Variants in ZNF804B observed in about 807,000 individuals in gnomAD.
ZNF804B encodes zinc finger 804B.
A neutral mutation model predicts 101.4 loss-of-function variants in ZNF804B; 80 were observed. The ratio of observed to expected loss-of-function variants is 0.79; its 90% CI spans 0.66 to 0.95. The LOEUF is 0.95. ZNF804B is among the 40% of genes least tolerant of loss of function. ZNF804B has a pLI of 0.00. For synonymous variants in ZNF804B, 622 were observed against 558.8 expected, an observed-to-expected ratio of 1.11 and a Z score of -1.59; for missense variants, 1,673 against 1,561.9, an observed-to-expected ratio of 1.07 and a Z score of -1.20.
At chr7:89,098,155 T>C (rs1789995956) in intron 1 of ZNF804B, among the ~76,000 whole-genome samples, 1 of 152,158 alleles carries the variant, frequency 6.6e-6, no homozygotes, top group South Asian at 2.1e-4. Flanking sequence ...TGTAAGGCTC[T>C]ACACAATTAG....
chr7:89,074,102 C>A (rs1257201744), intron 1 of ZNF804B, among the ~76,000 whole-genome samples: 4 of 152,146 alleles, frequency 2.6e-5, no homozygotes, highest in Non-Finnish European at 5.9e-5. Context: ...TGTTAAGTGT[C>A]TGGATACAGC....
At chr7:89,282,831 A>C (rs1479733430) in intron 2 of ZNF804B, among the ~76,000 whole-genome samples, 2 of 152,192 alleles carry the variant, frequency 1.3e-5, no homozygotes, top group Non-Finnish European at 2.9e-5. Flanking sequence ...CAGAACCTCT[A>C]AGAGGCAAGA....
intron 2 of ZNF804B, among the ~76,000 whole-genome samples, chr7:89,316,652 T>G (rs1023341103): frequency 1.3e-5 from 2 of 152,098 alleles, no homozygotes; most frequent in East Asian, 3.9e-4. Flanking sequence ...AAACCTAAAT[T>G]TTGTAAAGAC....
chr7:88,859,860 G>T (rs1434745195), intron 1 of ZNF804B, among the ~76,000 whole-genome samples: 1 of 151,536 alleles, frequency 6.6e-6, no homozygotes, highest in South Asian at 2.1e-4. Flanking sequence ...TTAGTCAAAA[G>T]GATAATTCCT....
intron 1 of ZNF804B, among the ~76,000 whole-genome samples, chr7:89,185,125 T>C (rs1450788603): frequency 1.3e-5 from 2 of 152,130 alleles, no homozygotes; most frequent in Non-Finnish European, 1.5e-5. Flanking sequence ...TATTTAAAGA[T>C]AGCAATTAGA....
chr7:89,202,611 T>G (rs913014198), intron 1 of ZNF804B, among the ~76,000 whole-genome samples: 1 of 152,152 alleles, frequency 6.6e-6, no homozygotes, highest in African/African-American at 2.4e-5. Flanking sequence ...CAGAGATCCA[T>G]GTATATGTCT....
At chr7:88,853,499 C>T (rs940360989) in intron 1 of ZNF804B, among the ~76,000 whole-genome samples, 1 of 152,020 alleles carries the variant, frequency 6.6e-6, no homozygotes, top group Non-Finnish European at 1.5e-5. Flanking sequence ...AAGAAGTGGT[C>T]ATTGAAAGAT....
intron 1 of ZNF804B, among the ~76,000 whole-genome samples, chr7:89,151,983 T>C (rs1790884481): frequency 6.6e-6 from 1 of 152,118 alleles, no homozygotes; most frequent in South Asian, 2.1e-4. Flanking sequence ...GCATCAATTT[T>C]TATAATCTTT....
At chr7:88,993,681 C>A (rs1793880022) in intron 1 of ZNF804B, among the ~76,000 whole-genome samples, 1 of 151,932 alleles carries the variant, frequency 6.6e-6, no homozygotes, top group South Asian at 2.1e-4. Context: ...TGTGAAAATT[C>A]ATGTACATGC....
At chr7:89,087,613 T>A (rs189907439) in intron 1 of ZNF804B, among the ~76,000 whole-genome samples, 3 of 152,128 alleles carry the variant, frequency 2.0e-5, no homozygotes, top group Admixed American at 2.0e-4. Flanking sequence ...TATTTGATTC[T>A]ATATGTTAGT....
intron 1 of ZNF804B, among the ~76,000 whole-genome samples, chr7:88,882,274 G>C (rs1398021390): frequency 6.6e-6 from 1 of 152,122 alleles, no homozygotes; most frequent in East Asian, 1.9e-4. Flanking sequence ...ATTAAAAAAT[G>C]CTCAACGTCA....
chr7:89,081,479 C>T (rs1183044718), intron 1 of ZNF804B, among the ~76,000 whole-genome samples: 1 of 151,700 alleles, frequency 6.6e-6, no homozygotes, highest in East Asian at 1.9e-4. Flanking sequence ...TCTATAATTT[C>T]CCCTAAGGCT....
chr7:89,186,315 A>G (rs909869584), intron 1 of ZNF804B, among the ~76,000 whole-genome samples: 7 of 152,146 alleles, frequency 4.6e-5, no homozygotes, highest in Non-Finnish European at 8.8e-5. Context: ...AAATGGATGC[A>G]TTTTTAAAAG....
intron 1 of ZNF804B, among the ~76,000 whole-genome samples, chr7:88,997,299 A>G (rs1393591432): frequency 6.6e-6 from 1 of 152,036 alleles, no homozygotes; most frequent in African/African-American, 2.4e-5. Flanking sequence ...ACAATAAGGG[A>G]TGTGGTTGAA....
At chr7:89,232,230 T>C (rs1789204201) in intron 2 of ZNF804B, among the ~76,000 whole-genome samples, 1 of 152,144 alleles carries the variant, frequency 6.6e-6, no homozygotes, top group South Asian at 2.1e-4. Flanking sequence ...GTATAAGATA[T>C]TAATTGAATT....
At chr7:88,911,463 T>A (rs1013272568) in intron 1 of ZNF804B, among the ~76,000 whole-genome samples, 1 of 148,478 alleles carries the variant, frequency 6.7e-6, no homozygotes, top group African/African-American at 2.4e-5. Context: ...TATATATATT[T>A]ATATTATTCT....
intron 1 of ZNF804B, among the ~76,000 whole-genome samples, chr7:88,907,508 C>A (rs1397409617): frequency 1.3e-5 from 2 of 151,968 alleles, no homozygotes; most frequent in Non-Finnish European, 2.9e-5. Context: ...ATTGCTATAG[C>A]ATTTAAACTA....
At position 89,000,066 on chromosome 7, in the gene ZNF804B, G is replaced by A. The variant is rs188637248; in HGVS notation, c.109-218089G>A. Among the ~76,000 whole-genome samples the A allele has an allele frequency of 2.6e-5, 4 of 151,966 alleles. No homozygotes were observed. The East Asian group carries it at 7.7e-4, about 29-fold the overall frequency. On this transcript the variant is annotated intron_variant, in intron 1 of 3. Coordinates refer to ENST00000333190, the MANE Select transcript of ZNF804B (RefSeq NM_181646.5). ...GATAAAAAGTTCTAGCTGACTCTTG[G>A]CATGACATAGACTGTGTGATACAAT...
At chr7:88,969,046 G>T (rs1793496208) in intron 1 of ZNF804B, among the ~76,000 whole-genome samples, 1 of 151,468 alleles carries the variant, frequency 6.6e-6, no homozygotes, top group African/African-American at 2.4e-5. Context: ...AGCAGCTAAT[G>T]TTTCTCTAAT....
Sources: allele counts gnomAD v4.1 joint callset (sites outside exome capture counted in the v4.1 genomes callset), GRCh38; gene constraint gnomAD v4.1.1; transcripts MANE v1.5; gene names NCBI Gene and HGNC (gene_info 2026-07-23, HGNC 2026-07-21).